Variants in VPS8 observed in about 807,000 individuals in gnomAD.
VPS8 encodes the protein vacuolar protein sorting-associated protein 8 homolog.
VPS8 carries 129 observed loss-of-function variants against 216.4 expected under a neutral mutation model. The ratio of observed to expected loss-of-function variants is 0.60; its 90% CI spans 0.52 to 0.69. The LOEUF is 0.69. VPS8 is among the 30% of genes least tolerant of loss of function. The pLI is 0.00. For synonymous variants in VPS8, 571 were observed against 565.4 expected, an observed-to-expected ratio of 1.01 and a Z score of -0.14; for missense variants, 1,531 against 1,683.5, an observed-to-expected ratio of 0.91 and a Z score of 1.59.
chr3:184,892,224 CTTT>C (rs879543198), intron 22 of VPS8, among the ~76,000 whole-genome samples: 2 of 151,984 alleles, frequency 1.3e-5, no homozygotes, highest in East Asian at 3.9e-4. Context: ...ATGTACTTGT[CTTT>C]TTTTTAATTT....
Position 184,853,863 on chromosome 3 carries a change from G to T in VPS8, c.828G>T (p.Val276=). ...GSVFELTFKR[V]MGVRTCESRC... ...TTTCAAATTGCATTTTCAGGAGAGT[G>T]ATGGGAGTGAGAACCTGTGAATCTA... Residue 276 remains valine (V), a synonymous_variant, in exon 12 of 48, where the codon GTG becomes GTT. Transcript: ENST00000625842. 6.4e-7 allele frequency: 1 copy of T among 1,572,728 alleles called. No individual in the cohort carries two copies. The highest frequency in any genetic ancestry group is 8.6e-7 in the Non-Finnish European group (1 of 1,157,812).
chr3:184,993,211 A>T lies in VPS8; in HGVS notation c.3586-772A>T, dbSNP rs1211222588. 2.6e-5 allele frequency among the ~76,000 whole-genome samples: 4 copies of T among 152,178 alleles called. No homozygotes were observed. In the South Asian group the frequency reaches 8.3e-4, roughly 31 times the overall value. On this transcript the variant is annotated intron_variant, in intron 42 of 47. Transcript: ENST00000625842. ...GTAAAATACTCAAATTTTATACACT[A>T]AAAAATACATCCCTCTTTCTCTTCC...
Position 184,915,318 on chromosome 3 carries a change from G to A in VPS8, c.2263-37G>A, listed in dbSNP as rs1243779015. 4 of 1,598,986 alleles carry A rather than the reference G, an allele frequency of 2.5e-6. No individual in the cohort carries two copies. The African/African-American group carries it at 4.0e-5, about 16-fold the overall frequency. On this transcript the variant is annotated intron_variant, in intron 27 of 47. Coordinates refer to ENST00000625842, the MANE Select transcript of VPS8 (RefSeq NM_001009921.3). Reference sequence around the variant, plus strand: ...CTGCTTCAGCAAGATACTTTGTCAGGTGAGAAAATAATCAACATTTTTTTC... The same window carrying A: ...CTGCTTCAGCAAGATACTTTGTCAGATGAGAAAATAATCAACATTTTTTTC...
In VPS8 at chr3:185,047,848, G is replaced by A. The variant is rs541233888; in HGVS notation, c.4057-631G>A. Among the ~76,000 whole-genome samples, 26 of 152,158 alleles carry A rather than the reference G, an allele frequency of 1.7e-4. No homozygotes were observed. The East Asian group carries it at 4.3e-3, about 25-fold the overall frequency. On this transcript the variant is annotated intron_variant, in intron 46 of 47. Coordinates refer to ENST00000625842, the MANE Select transcript of VPS8 (RefSeq NM_001009921.3). ...TCCTCTGACTCCAAAGCTTATGGCCGCCTCCCCCAGGATCCCATTTCTTCT... is the reference window on the plus strand; with the variant it reads ...TCCTCTGACTCCAAAGCTTATGGCCACCTCCCCCAGGATCCCATTTCTTCT...
chr3:184,869,534 T>G lies in VPS8; in HGVS notation c.1644+6T>G. 6.2e-7 allele frequency: 1 copy of G among 1,613,004 alleles called. No homozygotes were observed. Among genetic ancestry groups the G allele is most frequent in the South Asian group, 1.1e-5 (1 of 91,058 alleles). ...AGGCTATTGTTGCAGACCGGGTGAG[T>G]ATTTTAAGAGGGTCTTTACTAGAAT... On this transcript the variant is annotated splice_donor_region_variant and intron_variant, in intron 20 of 47. Coordinates refer to ENST00000625842, the MANE Select transcript of VPS8 (RefSeq NM_001009921.3).
At chr3:184,838,616 T>C (rs1721553699) in intron 5 of VPS8, 98 bp from the exon 6 acceptor site, 2 of 984,718 alleles carry the variant, frequency 2.0e-6, no homozygotes, top group Admixed American at 3.2e-5. Flanking sequence ...CTAATCTAAA[T>C]TGATTTGGAG....
At chr3:184,925,877 G>A (rs1169208323) in intron 30 of VPS8, among the ~76,000 whole-genome samples, 2 of 149,408 alleles carry the variant, frequency 1.3e-5, no homozygotes, top group African/African-American at 4.9e-5. Context: ...GGGTTCAAGT[G>A]ATTGTCCTGC....
chr3:185,022,070 G>A (rs1360731455), intron 45 of VPS8, among the ~76,000 whole-genome samples: 1 of 152,178 alleles, frequency 6.6e-6, no homozygotes, highest in Non-Finnish European at 1.5e-5. Context: ...GGAGGTAATT[G>A]AATCATGGGG....
chr3:184,898,310 G>A (rs1259067261), intron 23 of VPS8, among the ~76,000 whole-genome samples: 3 of 152,090 alleles, frequency 2.0e-5, no homozygotes, highest in Non-Finnish European at 4.4e-5. Context: ...AATATAGAAA[G>A]GGGAAGGATA....
At chr3:184,869,788 G>A (rs1369369442) in intron 20 of VPS8, among the ~76,000 whole-genome samples, 2 of 152,102 alleles carry the variant, frequency 1.3e-5, no homozygotes, top group Admixed American at 1.3e-4. Flanking sequence ...TACTTGGGAG[G>A]CGAGGCCAGA....
chr3:185,017,525 C>T (rs1361900283), intron 45 of VPS8, among the ~76,000 whole-genome samples: 2 of 152,326 alleles, frequency 1.3e-5, no homozygotes, highest in African/African-American at 4.8e-5. Context: ...GCTCTGCTTT[C>T]CAGGGAACAG....
rs879275522 is a variant in VPS8 at position 184,993,871 on chromosome 3, T to C, written c.3586-112T>C. 2.5e-5 allele frequency: 20 copies of C among 797,898 alleles called. 1 individual carries two copies. The highest frequency in any genetic ancestry group is 1.9e-4 in the Admixed American group (6 of 30,792). The allele number at this position is 797,898 out of a possible 1,614,324, so 49.4% of individuals were successfully genotyped here. ...TGGAAAGTTCATGGAAGAATAAATATTTTGTGACTGTAGAAAAATACTTAA... is the reference window on the plus strand; with the variant it reads ...TGGAAAGTTCATGGAAGAATAAATACTTTGTGACTGTAGAAAAATACTTAA... On this transcript the variant is annotated intron_variant, in intron 42 of 47. Transcript: ENST00000625842.
chr3:184,970,915 A>G (rs1748298728), intron 39 of VPS8, among the ~76,000 whole-genome samples: 1 of 152,320 alleles, frequency 6.6e-6, no homozygotes, highest in African/African-American at 2.4e-5. Context: ...AAGTAGAATC[A>G]ACAAATATTC....
intron 16 of VPS8, among the ~76,000 whole-genome samples, chr3:184,866,284 A>G (rs559444989): frequency 6.6e-6 from 1 of 152,388 alleles, no homozygotes; most frequent in African/African-American, 2.4e-5. Context: ...AAGTAAAAGA[A>G]GACATGCAAT....
At chr3:184,856,839 AC>A (rs1209474859) in intron 14 of VPS8, among the ~76,000 whole-genome samples, 6 of 152,176 alleles carry the variant, frequency 3.9e-5, no homozygotes, top group African/African-American at 1.2e-4. Flanking sequence ...TGGCCTCTGA[AC>A]TAAGTTAGTT....
At chr3:184,946,525 A>T (rs373925103) in intron 36 of VPS8, among the ~76,000 whole-genome samples, 1 of 152,166 alleles carries the variant, frequency 6.6e-6, no homozygotes, top group African/African-American at 2.4e-5. Flanking sequence ...AGATAATGAT[A>T]ATGTTCTCTG....
intron 7 of VPS8, among the ~76,000 whole-genome samples, chr3:184,842,186 CAAAA>C (rs71162267): frequency 1.2e-3 from 60 of 48,986 alleles, no homozygotes; most frequent in East Asian, 2.1e-3. Context: ...GACTCCGTCT[CAAAA>C]AAAAAAAAAA....
At chr3:184,912,612 A>G (rs1475519312) in intron 25 of VPS8, among the ~76,000 whole-genome samples, 1 of 152,096 alleles carries the variant, frequency 6.6e-6, no homozygotes, top group Non-Finnish European at 1.5e-5. Flanking sequence ...TTAAGTTGTT[A>G]TGCCATGCAG....
intron 40 of VPS8, among the ~76,000 whole-genome samples, chr3:184,975,716 G>A (rs1217633770): frequency 6.6e-6 from 1 of 152,060 alleles, no homozygotes; most frequent in Non-Finnish European, 1.5e-5. Context: ...TTATGTTAAG[G>A]TGTGTTCTTT....
Sources: allele counts gnomAD v4.1 joint callset (sites outside exome capture counted in the v4.1 genomes callset), GRCh38; gene constraint gnomAD v4.1.1; transcripts MANE v1.5; gene names NCBI Gene and HGNC (gene_info 2026-07-23, HGNC 2026-07-21).